ACSM1: variants seen among roughly 807,000 people sequenced by gnomAD.
ACSM1 encodes acyl-CoA synthetase medium chain family member 1, also known as acyl-coenzyme A synthetase ACSM1, mitochondrial.
A neutral mutation model predicts 75.8 loss-of-function variants in ACSM1; 79 were observed. The observed-to-expected ratio is 1.04, with a 90% CI of 0.87 to 1.26. The LOEUF is 1.26. Ranked by LOEUF, ACSM1 falls within the 50% of genes most tolerant of loss-of-function variation. ACSM1 has a pLI of 0.00. For missense variants in ACSM1, 676 were observed against 720.1 expected (o/e 0.94, Z 0.70); for synonymous variants, 279 against 265.8 (o/e 1.05, Z -0.48).
At chr16:20,691,751 ATGTGTGTGTGTGTGTGTG>A (rs59929923) in intron 1 of ACSM1, among the ~76,000 whole-genome samples, 46,021 of 133,992 alleles carry the variant, frequency 0.34, 8,808 homozygotes, top group Non-Finnish European at 0.44. Context: ...TACCTCTCCA[ATGTGTGTGTGTGTGTGTG>A]TGTGTGTGTG....
intron 7 of ACSM1, among the ~76,000 whole-genome samples, chr16:20,641,746 G>A (rs1267482600): frequency 6.6e-6 from 1 of 152,144 alleles, no homozygotes; most frequent in Non-Finnish European, 1.5e-5. Flanking sequence ...CCCACAACCT[G>A]GTGTTGGGCC....
chr16:20,624,123 C>T lies in ACSM1; in HGVS notation c.1620G>A (p.Val540=). 5 of 1,613,172 alleles carry T rather than the reference C, an allele frequency of 3.1e-6. No individual in the cohort carries two copies. The highest frequency in any genetic ancestry group is 1.1e-5 in the South Asian group (1 of 91,078). The change falls in exon 13 of 14, where the codon GTG becomes GTA. Residue 540 remains valine, a synonymous_variant. Transcript: ENST00000520010. ...TKELQQHVKS[V]TAPYKYPRKV... ...TCCTTGGGTACTTGTATGGGGCTGT[C>T]ACTGACTTGACATGCTGCTGCAGTT...
intron 10 of ACSM1, among the ~76,000 whole-genome samples, chr16:20,629,559 T>G (rs972886705): frequency 6.6e-6 from 1 of 151,978 alleles, no homozygotes; most frequent in Non-Finnish European, 1.5e-5. Flanking sequence ...AATAGCAAAA[T>G]GGTAGAAGTC....
In ACSM1 at chr16:20,636,791, A is replaced by G. The variant is rs753758845; in HGVS notation, c.1247T>C (p.Ile416Thr). ...CCTGACAGGTTTGATTCTGATGCCA[A>G]TGTTTCCTTCTGTGTTAGGTGGCAG... is the stretch of plus-strand genomic sequence containing the variant. ...SILPPNTEGN[I>T]GIRIKPVRPV... The change falls in exon 10 of 14, where the codon ATT (isoleucine) becomes ACT (threonine). Residue 416 changes from isoleucine (I) to threonine (T), a missense_variant. Ile to Thr is a moderately conservative substitution (Grantham distance 89). Coordinates refer to ENST00000520010, the MANE Select transcript of ACSM1 (RefSeq NM_001318890.3). The G allele has an allele frequency of 5.6e-6, 9 of 1,614,078 alleles. No homozygotes were observed. The East Asian group carries it at 1.1e-4, about 20-fold the overall frequency.
intron 2 of ACSM1, among the ~76,000 whole-genome samples, chr16:20,687,893 G>A (rs958459824): frequency 6.6e-5 from 10 of 152,064 alleles, no homozygotes; most frequent in African/African-American, 2.4e-4. Context: ...AGACCAGCCT[G>A]GCCAACACGG....
At chr16:20,650,333 T>A (rs2018579236) in intron 7 of ACSM1, among the ~76,000 whole-genome samples, 1 of 152,056 alleles carries the variant, frequency 6.6e-6, no homozygotes, top group African/African-American at 2.4e-5. Context: ...AAGAGAAAGG[T>A]CATTTGCTTC....
At chr16:20,678,643 T>TAC (rs2079367188) in intron 4 of ACSM1, among the ~76,000 whole-genome samples, 1 of 152,240 alleles carries the variant, frequency 6.6e-6, no homozygotes, top group Admixed American at 6.5e-5. Flanking sequence ...TGCCTCTAAC[T>TAC]CTAAGATCTC....
intron 6 of ACSM1, among the ~76,000 whole-genome samples, chr16:20,664,148 T>TATTTATTTATTTATTTA (rs1237036396): frequency 9.0e-4 from 1 of 1,108 alleles, no homozygotes; most frequent in Non-Finnish European, 1.7e-3. Context: ...AATTGAATAG[T>TATTTATTTATTTATTTA]ATTTATTTAT....
intron 7 of ACSM1, among the ~76,000 whole-genome samples, chr16:20,657,277 T>C (rs2019023932): frequency 6.7e-6 from 1 of 148,856 alleles, no homozygotes; most frequent in African/African-American, 2.6e-5. Flanking sequence ...GTTGGGTTTG[T>C]TTTTTTGGGT....
rs1392857890 is a variant in ACSM1, at chr16:20,672,471, AATAT to A, written c.612-804_612-801del. On this transcript the variant is annotated intron_variant, in intron 4 of 13. Coordinates refer to ENST00000520010, the MANE Select transcript of ACSM1 (RefSeq NM_001318890.3). ...CTCAAAAAAAAAAAAAAAAAAAAAAAATATATATATATATATATATATATAAAAA... is the reference window on the plus strand; with the variant it reads ...CTCAAAAAAAAAAAAAAAAAAAAAAAATATATATATATATATATATAAAAA... Among the ~76,000 whole-genome samples, 462 of 64,504 alleles carry A rather than the reference AATAT, an allele frequency of 7.2e-3. 5 individuals are homozygous for A. Among genetic ancestry groups the A allele is most frequent in the Middle Eastern group, 0.033 (2 of 60 alleles). The allele number at this position is 64,504 out of a possible 152,430, so 42.3% of individuals were successfully genotyped here.
At chr16:20,627,820 C>A (rs1428380027) in intron 10 of ACSM1, among the ~76,000 whole-genome samples, 1 of 109,334 alleles carries the variant, frequency 9.1e-6, no homozygotes, top group African/African-American at 4.1e-5. Context: ...CAGAGTGAGA[C>A]TTCATCTCTC....
chr16:20,640,163 A>C (rs1414516303), intron 8 of ACSM1, among the ~76,000 whole-genome samples: 1 of 152,196 alleles, frequency 6.6e-6, no homozygotes, highest in Non-Finnish European at 1.5e-5. Flanking sequence ...AAAAATGCAG[A>C]TTCACTGATC....
chr16:20,662,278 T>A (rs1335215685), intron 6 of ACSM1, among the ~76,000 whole-genome samples: 2 of 152,102 alleles, frequency 1.3e-5, no homozygotes, highest in African/African-American at 4.8e-5. Flanking sequence ...CAAATAGATA[T>A]GGTGTCTACA....
chr16:20,681,253 T>A (rs2079440785), intron 4 of ACSM1: 1 of 152,224 alleles, frequency 6.6e-6, no homozygotes, highest in African/African-American at 2.4e-5. Context: ...ATGCTATATA[T>A]TGAAATAGAT....
chr16:20,685,501 C>T, intron 2 of ACSM1, 98 bp from the exon 3 acceptor site: 1 of 1,129,668 alleles, frequency 8.9e-7, no homozygotes, highest in Non-Finnish European at 1.3e-6. Context: ...AATGTGAACA[C>T]AGCTTAAGGA....
At chr16:20,629,469 T>C (rs2017203142) in intron 10 of ACSM1, among the ~76,000 whole-genome samples, 1 of 152,062 alleles carries the variant, frequency 6.6e-6, no homozygotes, top group South Asian at 2.1e-4. Flanking sequence ...AATGTGTCAC[T>C]ACAAAAAGGA....
chr16:20,682,516 C>CTTTA, intron 3 of ACSM1, 53 bp from the exon 4 acceptor site: 1 of 1,480,006 alleles, frequency 6.8e-7, no homozygotes. Flanking sequence ...CAACCATGGG[C>CTTTA]TTTAGACTTG....
chr16:20,636,894 C>T (rs1596807459), intron 9 of ACSM1, 54 bp from the exon 10 acceptor site: 2 of 1,324,932 alleles, frequency 1.5e-6, no homozygotes, highest in Non-Finnish European at 2.2e-6. Flanking sequence ...GCCCTTCTGC[C>T]CCACCCAAGC....
At position 20,623,473 on chromosome 16, in the gene ACSM1, A is replaced by T. The variant is rs1339442350; in HGVS notation, c.*13T>A. ...TGCCTTAGGTGTGCAGTGCGTTCTG[A>T]GTTCACTGCCGATTACATCTGACCA... On this transcript the variant is annotated 3_prime_UTR_variant, in exon 14 of 14. Transcript: ENST00000520010. 1.2e-6 allele frequency: 2 copies of T among 1,613,342 alleles called. No homozygotes were observed. Among genetic ancestry groups the T allele is most frequent in the Non-Finnish European group, 1.7e-6 (2 of 1,179,464 alleles).
Sources: allele counts gnomAD v4.1 joint callset (sites outside exome capture counted in the v4.1 genomes callset), GRCh38; gene constraint gnomAD v4.1.1; transcripts MANE v1.5; gene names NCBI Gene and HGNC (gene_info 2026-07-23, HGNC 2026-07-21).